Variants in CTNNA3 observed in about 807,000 individuals in gnomAD.
CTNNA3 encodes the protein catenin alpha-3.
CTNNA3 carries 76 observed loss-of-function variants against 95.7 expected under a neutral mutation model. The observed-to-expected ratio is 0.79, with a 90% confidence interval of 0.66 to 0.96. CTNNA3 has a LOEUF of 0.96. Ranked by LOEUF, CTNNA3 falls within the 40% of genes least tolerant of loss-of-function variation. The pLI is 0.00. For missense variants in CTNNA3, 1,191 were observed against 1,089.8 expected, an observed-to-expected ratio of 1.09 and a Z score of -1.31; for synonymous variants, 431 against 374.4, an observed-to-expected ratio of 1.15 and a Z score of -1.74.
At chr10:66,368,520 G>A (rs771854948) in intron 12 of CTNNA3, among the ~76,000 whole-genome samples, 9 of 151,862 alleles carry the variant, frequency 5.9e-5, no homozygotes, top group Non-Finnish European at 1.2e-4. Context: ...CTGGGACTGC[G>A]TAGTTATATC....
At chr10:66,113,908 C>T (rs1344764581) in intron 13 of CTNNA3, among the ~76,000 whole-genome samples, 1 of 151,824 alleles carries the variant, frequency 6.6e-6, no homozygotes, top group African/African-American at 2.4e-5. Context: ...TGTGGCAATA[C>T]CATTACTCTT....
intron 15 of CTNNA3, among the ~76,000 whole-genome samples, chr10:66,003,462 A>G (rs114022978): frequency 0.01 from 1,541 of 152,120 alleles, 29 homozygotes; most frequent in African/African-American, 0.036. Flanking sequence ...TTTACCCTTT[A>G]CCTGTTAGTG....
At chr10:67,489,195 T>A (rs1048482613) in intron 5 of CTNNA3, among the ~76,000 whole-genome samples, 3 of 152,210 alleles carry the variant, frequency 2.0e-5, no homozygotes, top group African/African-American at 7.2e-5. Flanking sequence ...CTGGGAGTCT[T>A]TTCTTTATGT....
intron 9 of CTNNA3, among the ~76,000 whole-genome samples, chr10:66,647,677 A>AT (rs1354000237): frequency 3.2e-5 from 3 of 92,476 alleles, no homozygotes; most frequent in East Asian, 1.2e-3. Context: ...CGCCCAGCTA[A>AT]ATTTTTTTTT....
At chr10:66,175,554 T>C (rs192573101) in intron 13 of CTNNA3, among the ~76,000 whole-genome samples, 12 of 152,260 alleles carry the variant, frequency 7.9e-5, no homozygotes, top group African/African-American at 2.4e-4. Flanking sequence ...TTTGAGGCAG[T>C]TAACACAAAT....
chr10:65,969,172 A>C (rs2078042646), intron 16 of CTNNA3, among the ~76,000 whole-genome samples: 2 of 152,012 alleles, frequency 1.3e-5, no homozygotes, highest in African/African-American at 4.8e-5. Context: ...AAGCCAAAAG[A>C]CCTTACCCAG....
At chr10:66,502,535 G>T (rs796965699) in intron 11 of CTNNA3, among the ~76,000 whole-genome samples, 4 of 151,818 alleles carry the variant, frequency 2.6e-5, no homozygotes, top group African/African-American at 9.7e-5. Flanking sequence ...CCTCAGTCTC[G>T]TACCTCCCTC....
At chr10:66,448,025 C>A (rs1190690953) in intron 11 of CTNNA3, among the ~76,000 whole-genome samples, 1 of 152,134 alleles carries the variant, frequency 6.6e-6, no homozygotes. Context: ...AGGATATGAG[C>A]AGATACTTCT....
At chr10:66,471,605 CA>C (rs1395703945) in intron 11 of CTNNA3, among the ~76,000 whole-genome samples, 65 of 151,822 alleles carry the variant, frequency 4.3e-4, no homozygotes, top group African/African-American at 1.5e-3. Flanking sequence ...GAATGTTCTT[CA>C]GTTGTCTGTA....
chr10:67,579,734 A>G (rs987877151), intron 3 of CTNNA3, among the ~76,000 whole-genome samples: 1 of 152,224 alleles, frequency 6.6e-6, no homozygotes, highest in East Asian at 1.9e-4. Flanking sequence ...TGACTTTTTA[A>G]TGATCACCAT....
chr10:66,122,481 T>C (rs2082624792), intron 13 of CTNNA3, among the ~76,000 whole-genome samples: 1 of 152,128 alleles, frequency 6.6e-6, no homozygotes, highest in South Asian at 2.1e-4. Flanking sequence ...AAACTATAGA[T>C]AGATGAACCT....
chr10:66,516,478 G>A (rs1337070071), intron 11 of CTNNA3, among the ~76,000 whole-genome samples: 1 of 152,142 alleles, frequency 6.6e-6, no homozygotes, highest in African/African-American at 2.4e-5. Context: ...TGTTCAATTA[G>A]AACCTGTTTA....
intron 5 of CTNNA3, among the ~76,000 whole-genome samples, chr10:67,517,446 A>G (rs989910566): frequency 3.3e-5 from 5 of 152,168 alleles, no homozygotes; most frequent in East Asian, 3.9e-4. Context: ...TTTTTATCCT[A>G]CAAGGTATTA....
intron 12 of CTNNA3, among the ~76,000 whole-genome samples, chr10:66,375,187 A>G (rs2092786776): frequency 6.6e-6 from 1 of 151,948 alleles, no homozygotes; most frequent in African/African-American, 2.4e-5. Context: ...TTGTGGAAGT[A>G]TTAACTTAAG....
chr10:66,508,759 C>T (rs1363704442), intron 11 of CTNNA3, among the ~76,000 whole-genome samples: 1 of 152,030 alleles, frequency 6.6e-6, no homozygotes, highest in Non-Finnish European at 1.5e-5. Flanking sequence ...TGTATATATA[C>T]CACATTTTCT....
intron 7 of CTNNA3, among the ~76,000 whole-genome samples, chr10:66,833,395 T>C (rs1199908587): frequency 6.6e-6 from 1 of 152,212 alleles, no homozygotes; most frequent in Non-Finnish European, 1.5e-5. Context: ...ATAAGCATAA[T>C]TGCACTGACT....
intron 12 of CTNNA3, among the ~76,000 whole-genome samples, chr10:66,287,941 A>T (rs2132181562): frequency 6.6e-6 from 1 of 152,036 alleles, no homozygotes; most frequent in African/African-American, 2.4e-5. Flanking sequence ...TTGAGACAAT[A>T]TGTAAACATG....
In CTNNA3 at chr10:67,033,109, T is replaced by C. The variant is rs77129504; in HGVS notation, c.1047+147208A>G. Among the ~76,000 whole-genome samples, 1,544 of 152,344 alleles carry C rather than the reference T, an allele frequency of 0.01. 62 individuals carry two copies. In the East Asian group the frequency reaches 0.14, roughly 14 times the overall value. On this transcript the variant is annotated intron_variant, in intron 7 of 17. Coordinates refer to ENST00000433211, the MANE Select transcript of CTNNA3 (RefSeq NM_013266.4). The stretch of plus-strand genomic sequence containing the variant: ...ACTCGAAATTCTTAAAAGAACTATT[T>C]TAACAAAAATAAATTGAAGGAAACC...
At chr10:66,539,953 T>C (rs1469541369) in intron 10 of CTNNA3, among the ~76,000 whole-genome samples, 1 of 152,106 alleles carries the variant, frequency 6.6e-6, no homozygotes, top group African/African-American at 2.4e-5. Flanking sequence ...ATAGTCCTGG[T>C]CAATGTTTGT....
Sources: allele counts gnomAD v4.1 joint callset (sites outside exome capture counted in the v4.1 genomes callset), GRCh38; gene constraint gnomAD v4.1.1; transcripts MANE v1.5; gene names NCBI Gene and HGNC (gene_info 2026-07-23, HGNC 2026-07-21).